The following CYLC2 variants were observed in gnomAD, a reference collection of about 807,000 sequenced individuals.
The protein encoded by CYLC2 is cylicin 2, also known as cylicin-2.
CYLC2 carries 30 observed loss-of-function variants against 26.1 expected under a neutral mutation model. The observed-to-expected ratio is 1.15, with a 90% confidence interval of 0.86 to 1.56. CYLC2 has a LOEUF of 1.56. Among genes scored for constraint, CYLC2 ranks in the 40% most tolerant of loss-of-function variants. The pLI, the probability that CYLC2 is intolerant of heterozygous loss-of-function variation, is 0.00. For missense variants in CYLC2, 498 were observed against 394.4 expected, an observed-to-expected ratio of 1.26 and a Z score of -2.23; for synonymous variants, 158 against 132.8, an observed-to-expected ratio of 1.19 and a Z score of -1.31.
chr9:102,997,292 G>A (rs939982059), intron 1 of CYLC2, among the ~76,000 whole-genome samples: 4 of 151,916 alleles, frequency 2.6e-5, no homozygotes, highest in Admixed American at 2.0e-4. Context: ...CCAACTAGAT[G>A]CTAGTATCAT....
chr9:103,009,410 C>T (rs965106455), intron 5 of CYLC2, among the ~76,000 whole-genome samples: 8 of 151,774 alleles, frequency 5.3e-5, no homozygotes, highest in African/African-American at 1.9e-4. Context: ...TGCCATGTTG[C>T]CCAGACTGGT....
rs376299522 is a variant in CYLC2 at position 103,005,705 on chromosome 9, G to C, written c.*27G>C. 5.1e-6 allele frequency: 8 copies of C among 1,576,956 alleles called. No homozygotes were observed. The East Asian group carries it at 6.7e-5, about 13-fold the overall frequency. ...CCTTGGATAAGAATTTGAACCGAAAGAATAATTCAAAAGCATATTTGATGA... is the reference window on the plus strand; with the variant it reads ...CCTTGGATAAGAATTTGAACCGAAACAATAATTCAAAAGCATATTTGATGA... On this transcript the variant is annotated 3_prime_UTR_variant, in exon 5 of 8. Transcript: ENST00000374798.
In CYLC2 at chr9:103,004,952, T is replaced by C. The variant is rs1829324425; in HGVS notation, c.338-17T>C. On this transcript the variant is annotated splice_polypyrimidine_tract_variant and intron_variant, in intron 4 of 7. Coordinates refer to ENST00000374798, the MANE Select transcript of CYLC2 (RefSeq NM_001340.5). ...GGATTTTCCCATTTTAAGAAATATT[T>C]GAATATTTATCCCCAGAAATTGGTA... 5.1e-6 allele frequency: 8 copies of C among 1,575,472 alleles called. No homozygotes were observed. Among genetic ancestry groups the C allele is most frequent in the Non-Finnish European group, 6.9e-6 (8 of 1,167,242 alleles).
chr9:103,006,637 A>G (rs546161922), intron 5 of CYLC2, among the ~76,000 whole-genome samples: 2 of 152,104 alleles, frequency 1.3e-5, no homozygotes, highest in East Asian at 3.9e-4. Flanking sequence ...GATGGTCTCA[A>G]TCTCCTGACC....
chr9:103,001,584 A>G lies in CYLC2; in HGVS notation c.24A>G (p.Arg8=). The change falls in exon 2 of 8, where the codon AGA becomes AGG. Residue 8 remains arginine, a synonymous_variant. Transcript: ENST00000374798. MSLPRFQ[R]VNFGPYDNYI... ...TTCTTTTTTGTTTTAATAGCCAAAG[A>G]GTAAACTTTGGGCCATATGATAATT... 3 of 1,552,246 alleles carry G rather than the reference A, an allele frequency of 1.9e-6. No homozygotes were observed. The highest frequency in any genetic ancestry group is 1.7e-4 in the Middle Eastern group (1 of 5,894).
Position 103,015,616 on chromosome 9 carries a change from G to T in CYLC2, c.*817-1272G>T, listed in dbSNP as rs1587856951. Among the ~76,000 whole-genome samples the T allele has an allele frequency of 2.1e-5, 3 of 146,238 alleles. No homozygotes were observed. The South Asian group carries it at 6.3e-4, about 31-fold the overall frequency. ...AATTTTAACATAAATCACCTTTAAA[G>T]TATGTCTCTTGAGTGTTCCTTGGAC... On this transcript the variant is annotated intron_variant, in intron 6 of 7. Transcript: ENST00000374798.
intron 6 of CYLC2, among the ~76,000 whole-genome samples, chr9:103,013,515 A>C (rs1829442017): frequency 8.9e-6 from 1 of 112,194 alleles, no homozygotes; most frequent in African/African-American, 3.7e-5. Flanking sequence ...TTTGTAAGAA[A>C]TAAATTATAT....
At position 103,005,349 on chromosome 9, in the gene CYLC2, G is replaced by T; in HGVS notation, c.718G>T (p.Asp240Tyr). Residue 240 changes from aspartate (D) to tyrosine (Y), a missense_variant, in exon 5 of 8, where the codon GAT becomes TAT. Coordinates refer to ENST00000374798, the MANE Select transcript of CYLC2 (RefSeq NM_001340.5). ...CATAGAATTACAAGCTGTAAAAGCA[G>T]ATGAAAAGAAGGATGAGGATGGAAA... ...SAIELQAVKA[D>Y]EKKDEDGKKD... The T allele has an allele frequency of 1.2e-6, 2 of 1,613,944 alleles. No homozygotes were observed. The highest frequency in any genetic ancestry group is 1.7e-6 in the Non-Finnish European group (2 of 1,179,968).
chr9:103,014,763 ATACGTATGTATAT>A (rs1564101380), intron 6 of CYLC2, among the ~76,000 whole-genome samples: 3 of 16,368 alleles, frequency 1.8e-4, no homozygotes, highest in African/African-American at 6.0e-4. Context: ...CATATGTAAT[ATACGTATGTATAT>A]TATGCAATAT....
At chr9:103,010,537 T>C (rs1829395989) in intron 5 of CYLC2, among the ~76,000 whole-genome samples, 1 of 152,134 alleles carries the variant, frequency 6.6e-6, no homozygotes, top group Admixed American at 6.6e-5. Context: ...GAATCTCATA[T>C]GACACCAACG....
chr9:103,006,919 C>T (rs1203470719), intron 5 of CYLC2, among the ~76,000 whole-genome samples: 1 of 152,036 alleles, frequency 6.6e-6, no homozygotes, highest in Non-Finnish European at 1.5e-5. Flanking sequence ...GAACATTGTG[C>T]TCTCATCGCA....
intron 5 of CYLC2, among the ~76,000 whole-genome samples, chr9:103,009,502 A>G (rs1829383878): frequency 6.6e-6 from 1 of 152,114 alleles, no homozygotes; most frequent in African/African-American, 2.4e-5. Context: ...ATCAGAGACT[A>G]GATGTTAATA....
At chr9:103,018,073 G>C (rs898868997) in intron 7 of CYLC2, among the ~76,000 whole-genome samples, 5 of 151,960 alleles carry the variant, frequency 3.3e-5, no homozygotes, top group African/African-American at 1.2e-4. Context: ...CACAACGAAG[G>C]TATATGAGAT....
At position 103,005,654 on chromosome 9, in the gene CYLC2, G is replaced by A; in HGVS notation, c.1023G>A (p.Lys341=). 1.9e-6 allele frequency: 3 copies of A among 1,610,620 alleles called. No individual in the cohort carries two copies. In the South Asian group the frequency reaches 3.3e-5, roughly 18 times the overall value. Residue 341 remains lysine, a synonymous_variant, in exon 5 of 8, where the codon AAG becomes AAA. Transcript: ENST00000374798. The stretch of plus-strand genomic sequence containing the variant: ...AGAATGCAAAGAAGGATGAAAAGAA[G>A]GATGCAAAGAAGAAGGGCAAGTAGG... ...AKKNAKKDEK[K]DAKKKGK is the part of the protein sequence containing the mutation.
In CYLC2 at chr9:103,005,662, AG is replaced by A. The variant is rs773239550; in HGVS notation, c.1032del (p.Lys345ArgfsTer11). 2.5e-6 allele frequency: 4 copies of A among 1,609,356 alleles called. No individual in the cohort carries two copies. Among genetic ancestry groups the A allele is most frequent in the Non-Finnish European group, 3.4e-6 (4 of 1,178,476 alleles). The stretch of plus-strand genomic sequence containing the variant: ...AAGAAGGATGAAAAGAAGGATGCAA[AG>A]AAGAAGGGCAAGTAGGCCTTGGATA... ...NAKKDEKKDA[K>X]KKGK On this transcript the variant is annotated frameshift_variant, in exon 5 of 8. Coordinates refer to ENST00000374798, the MANE Select transcript of CYLC2 (RefSeq NM_001340.5). LOFTEE classifies it low-confidence loss of function (END_TRUNC).
rs1357532456 is a variant in CYLC2, at chr9:103,014,885, TTATGTAATATACATAATA to T, written c.*817-1983_*817-1966del. On this transcript the variant is annotated intron_variant, in intron 6 of 7. Coordinates refer to ENST00000374798, the MANE Select transcript of CYLC2 (RefSeq NM_001340.5). ...TAATATATGTAATATACTATGTATA[TTATGTAATATACATAATA>T]TATGTAATATACATAATATGTATAT... is the stretch of plus-strand genomic sequence containing the variant. Among the ~76,000 whole-genome samples the T allele has an allele frequency of 3.3e-4, 44 of 133,976 alleles. No individual in the cohort carries two copies. The East Asian group carries it at 3.4e-3, about 10-fold the overall frequency. The allele number at this position is 133,976 out of a possible 152,430, so 87.9% of individuals were successfully genotyped here.
At chr9:103,012,704 T>A (rs998694138) in intron 6 of CYLC2, among the ~76,000 whole-genome samples, 1 of 152,064 alleles carries the variant, frequency 6.6e-6, no homozygotes, top group South Asian at 2.1e-4. Flanking sequence ...GGCAAACATA[T>A]AAACAGAAAC....
At chr9:103,015,351 A>G (rs1284080142) in intron 6 of CYLC2, among the ~76,000 whole-genome samples, 2 of 123,030 alleles carry the variant, frequency 1.6e-5, no homozygotes, top group African/African-American at 6.3e-5. Context: ...TATATATATT[A>G]TATATAATCA....
chr9:103,007,404 T>C (rs1011251038), intron 5 of CYLC2, among the ~76,000 whole-genome samples: 1 of 152,112 alleles, frequency 6.6e-6, no homozygotes, highest in African/African-American at 2.4e-5. Context: ...CAAATTTAAA[T>C]GAGGCATATG....
Sources: allele counts gnomAD v4.1 joint callset (sites outside exome capture counted in the v4.1 genomes callset), GRCh38; gene constraint gnomAD v4.1.1; transcripts MANE v1.5; gene names NCBI Gene and HGNC (gene_info 2026-07-23, HGNC 2026-07-21).